The following RTN4RL1 variants were observed in gnomAD, a reference collection of about 807,000 sequenced individuals.
RTN4RL1 encodes reticulon 4 receptor like 1, also known as reticulon-4 receptor-like 1.
A neutral mutation model predicts 25.6 loss-of-function variants in RTN4RL1; 7 were observed. That is an observed-to-expected ratio of 0.27 (90% CI 0.16 to 0.51). The LOEUF is 0.51. Ranked by LOEUF, RTN4RL1 falls within the 20% of genes least tolerant of loss-of-function variation. The pLI, the probability that RTN4RL1 is intolerant of heterozygous loss-of-function variation, is 0.97. For missense variants in RTN4RL1, 500 were observed against 615.6 expected (o/e 0.81, Z 1.99); for synonymous variants, 297 against 288.2 (o/e 1.03, Z -0.31).
chr17:1,996,587 A>G lies in RTN4RL1; in HGVS notation c.13+28266T>C, dbSNP rs553314725. Among the ~76,000 whole-genome samples the G allele has an allele frequency of 1.1e-4, 16 of 152,312 alleles. No homozygotes were observed. The East Asian group carries it at 2.9e-3, about 28-fold the overall frequency. On this transcript the variant is annotated intron_variant, in intron 1 of 1. Transcript: ENST00000331238. ...TCACAAGCTCTTAAATTCATGAGAA[A>G]AGGGAAAAAGTGAAATCAGATAGAA... is the stretch of plus-strand genomic sequence containing the variant.
chr17:1,993,843 T>G (rs1306088901), intron 1 of RTN4RL1, among the ~76,000 whole-genome samples: 2 of 151,934 alleles, frequency 1.3e-5, no homozygotes, highest in African/African-American at 4.8e-5. Flanking sequence ...GCTCAGCCCC[T>G]GTATTCACAA....
At chr17:2,001,613 A>C (rs2066958127) in intron 1 of RTN4RL1, 1 of 152,300 alleles carries the variant, frequency 6.6e-6, no homozygotes, top group Non-Finnish European at 1.5e-5. Flanking sequence ...ACTGAGACTC[A>C]AGTGCTTGTT....
chr17:1,944,321 C>T (rs532130254), intron 1 of RTN4RL1, among the ~76,000 whole-genome samples: 7 of 152,276 alleles, frequency 4.6e-5, no homozygotes, highest in East Asian at 3.9e-4. Flanking sequence ...CTGCGGACGT[C>T]GGCCTCCCCC....
intron 1 of RTN4RL1, chr17:2,003,708 G>C (rs1312079275): frequency 6.6e-6 from 1 of 152,392 alleles, no homozygotes; most frequent in African/African-American, 2.4e-5. Context: ...GTGTCTGCTT[G>C]GCGCAATCTA....
chr17:1,974,969 G>A (rs2066836610), intron 1 of RTN4RL1, among the ~76,000 whole-genome samples: 1 of 152,214 alleles, frequency 6.6e-6, no homozygotes, highest in African/African-American at 2.4e-5. Flanking sequence ...CGCTGCTAAA[G>A]GCCAAGCATT....
At chr17:1,991,400 C>T (rs1201697785) in intron 1 of RTN4RL1, among the ~76,000 whole-genome samples, 2 of 141,180 alleles carry the variant, frequency 1.4e-5, no homozygotes, top group Admixed American at 7.3e-5. Context: ...TTTTTTGAAC[C>T]TCCCCCAACT....
chr17:1,947,804 G>A (rs766112238), intron 1 of RTN4RL1, among the ~76,000 whole-genome samples: 10 of 152,188 alleles, frequency 6.6e-5, no homozygotes, highest in Non-Finnish European at 8.8e-5. Context: ...CTGGACCCAC[G>A]TACTGCCCAG....
At chr17:1,992,570 T>A (rs1180016155) in intron 1 of RTN4RL1, among the ~76,000 whole-genome samples, 1 of 152,088 alleles carries the variant, frequency 6.6e-6, no homozygotes, top group Non-Finnish European at 1.5e-5. Context: ...ATTGTGGGTA[T>A]TATTATTATC....
intron 1 of RTN4RL1, among the ~76,000 whole-genome samples, chr17:2,012,093 T>C (rs10852906): frequency 0.34 from 51,115 of 152,044 alleles, 8,883 homozygotes; most frequent in East Asian, 0.55. Context: ...CCTCTGGCAA[T>C]TTTAGCATGT....
At chr17:1,962,319 G>GAAAGAA (rs1252359787) in intron 1 of RTN4RL1, among the ~76,000 whole-genome samples, 5 of 151,344 alleles carry the variant, frequency 3.3e-5, no homozygotes, top group Admixed American at 6.6e-5. Flanking sequence ...AAAGAAGTAA[G>GAAAGAA]AAAGAAAAAG....
At chr17:1,984,693 G>A (rs767176653) in intron 1 of RTN4RL1, among the ~76,000 whole-genome samples, 11 of 152,352 alleles carry the variant, frequency 7.2e-5, no homozygotes, top group Admixed American at 2.0e-4. Context: ...AGAGCCGGGC[G>A]CCGTGGCTCA....
intron 1 of RTN4RL1, among the ~76,000 whole-genome samples, chr17:2,013,579 T>C (rs1401214071): frequency 6.6e-6 from 1 of 150,650 alleles, no homozygotes; most frequent in Non-Finnish European, 1.5e-5. Context: ...CCCTGGAACA[T>C]AAATACCCCA....
At position 1,937,802 on chromosome 17, in the gene RTN4RL1, C is replaced by G. The variant is rs751646002; in HGVS notation, c.20G>C (p.Cys7Ser). MLRKGC[C>S]VELLLLLVAA... ...TACCAACAGCAGCAGCAACTCCACA[C>G]AGCACCCTGGCAGGGAGAGAGAGCA... is the stretch of plus-strand genomic sequence containing the variant. Residue 7 changes from cysteine to serine, a missense_variant, in exon 2 of 2, where the codon TGT (cysteine) becomes TCT (serine). Cys to Ser is a moderately radical substitution (Grantham distance 112). Transcript: ENST00000331238. 6.3e-7 allele frequency: 1 copy of G among 1,585,186 alleles called. No homozygotes were observed.
chr17:1,949,116 C>G (rs1370501367), intron 1 of RTN4RL1, among the ~76,000 whole-genome samples: 1 of 152,008 alleles, frequency 6.6e-6, no homozygotes, highest in African/African-American at 2.4e-5. Flanking sequence ...GCCACGACAC[C>G]TGGCTAATTT....
At chr17:2,008,072 C>T (rs1025125640) in intron 1 of RTN4RL1, among the ~76,000 whole-genome samples, 38 of 152,008 alleles carry the variant, frequency 2.5e-4, no homozygotes, top group East Asian at 7.8e-4. Context: ...CAGGAGTTCG[C>T]GACCAGCCTT....
chr17:2,018,510 C>T (rs1597256381), intron 1 of RTN4RL1, among the ~76,000 whole-genome samples: 1 of 152,208 alleles, frequency 6.6e-6, no homozygotes, highest in South Asian at 2.1e-4. Context: ...TAGGAACCAC[C>T]AGCAAGCTCT....
At position 2,024,772 on chromosome 17, in the gene RTN4RL1, C is replaced by CCCGGCG. The variant is rs1189976048; in HGVS notation, c.13+75_13+80dup. The CCCGGCG allele has an allele frequency of 2.1e-6, 3 of 1,442,988 alleles. No individual in the cohort carries two copies. In the East Asian group the frequency reaches 7.7e-5, roughly 37 times the overall value. The allele number at this position is 1,442,988 out of a possible 1,614,324, so 89.4% of individuals were successfully genotyped here. ...GGGGGCTACTTCCCAGACCGGGAGCCCCGGCGCCGGGCGGCGCCCGGGCTC... is the reference window on the plus strand; with the variant it reads ...GGGGGCTACTTCCCAGACCGGGAGCCCCGGCGCCGGCGCCGGGCGGCGCCCGGGCTC... On this transcript the variant is annotated intron_variant, in intron 1 of 1. Coordinates refer to ENST00000331238, the MANE Select transcript of RTN4RL1 (RefSeq NM_178568.4).
chr17:1,950,706 G>C (rs1712047967), intron 1 of RTN4RL1, among the ~76,000 whole-genome samples: 2 of 151,748 alleles, frequency 1.3e-5, no homozygotes, highest in Non-Finnish European at 2.9e-5. Context: ...AATTAGACGG[G>C]TGTGGTGGCG....
chr17:2,015,766 G>C (rs2067113337), intron 1 of RTN4RL1, among the ~76,000 whole-genome samples: 1 of 139,874 alleles, frequency 7.1e-6, no homozygotes, highest in African/African-American at 2.5e-5. Context: ...GATCCGGGCA[G>C]AGAGAGCCGA....
Sources: gnomAD v4.1 joint callset for allele counts (sites outside exome capture counted in the v4.1 genomes callset) on GRCh38, gnomAD v4.1.1 for gene constraint, MANE v1.5 for transcripts, NCBI Gene and HGNC (gene_info 2026-07-23, HGNC 2026-07-21) for gene names.